P2RX7: variants seen among roughly 807,000 people sequenced by gnomAD.
P2RX7 encodes P2X purinoceptor 7.
A neutral mutation model predicts 71.6 loss-of-function variants in P2RX7; 62 were observed. The observed-to-expected ratio is 0.87, with a 90% CI of 0.71 to 1.07. The LOEUF (loss-of-function observed/expected upper bound fraction) is 1.07, where lower values mean the gene tolerates loss of function less well. P2RX7 is among the 50% of genes least tolerant of loss of function. The probability of loss-of-function intolerance (pLI) is 0.00; values close to 1 mark genes in which losing one functional copy is unlikely to be tolerated. For missense variants in P2RX7, 686 were observed against 748.5 expected, an observed-to-expected ratio of 0.92 and a Z score of 0.97; for synonymous variants, 299 against 283.3, an observed-to-expected ratio of 1.06 and a Z score of -0.56.
rs1281137621 is a variant in P2RX7 at position 121,187,429 on chromosome 12, T to G, written c.*2627T>G. Reference sequence around the variant, plus strand: ...AAAAAGTGGATTACTACATATGATTTCTTTGGAGCTTACATTTCTTTACTT... The same window carrying G: ...AAAAAGTGGATTACTACATATGATTGCTTTGGAGCTTACATTTCTTTACTT... On this transcript the variant is annotated 3_prime_UTR_variant, in exon 13 of 13. Coordinates refer to ENST00000328963, the MANE Select transcript of P2RX7 (RefSeq NM_002562.6). 4 of 152,256 alleles carry G rather than the reference T, an allele frequency of 2.6e-5. No individual in the cohort carries two copies. The highest frequency in any genetic ancestry group is 9.6e-5 in the African/African-American group (4 of 41,472). The allele number at this position is 152,256 out of a possible 1,614,324, so 9.4% of individuals were successfully genotyped here.
At chr12:121,155,223 G>A (rs1163738526) in intron 2 of P2RX7, 1 of 1,406,276 alleles carries the variant, frequency 7.1e-7, no homozygotes, top group Admixed American at 2.1e-5. Context: ...ACTCGCGCTT[G>A]ATTTACCCGC....
chr12:121,163,870 G>C (rs1320333891), intron 5 of P2RX7, among the ~76,000 whole-genome samples: 1 of 152,170 alleles, frequency 6.6e-6, no homozygotes, highest in Non-Finnish European at 1.5e-5. Flanking sequence ...AGCATCGTGG[G>C]GCAAAGAGAA....
At chr12:121,177,249 T>C (rs568658842) in intron 10 of P2RX7, 37 bp downstream of exon 10, 2 of 1,614,130 alleles carry the variant, frequency 1.2e-6, no homozygotes, top group Admixed American at 3.3e-5. Context: ...AGGAAAATGG[T>C]TTGGAGAAGG....
intron 12 of P2RX7, among the ~76,000 whole-genome samples, chr12:121,183,564 C>T (rs1884474688): frequency 9.2e-6 from 1 of 108,774 alleles, no homozygotes; most frequent in Admixed American, 1.2e-4. Context: ...GAGCAAGACT[C>T]CATCTCAAAA....
intron 3 of P2RX7, 57 bp from the exon 4 acceptor site, chr12:121,160,844 TC>T: frequency 7.6e-7 from 1 of 1,307,624 alleles, no homozygotes; most frequent in Non-Finnish European, 1.1e-6. Flanking sequence ...GAATCACTTC[TC>T]CACGTCTTAG....
intron 1 of P2RX7, among the ~76,000 whole-genome samples, chr12:121,147,378 T>A (rs1007008399): frequency 1.3e-5 from 2 of 152,170 alleles, no homozygotes; most frequent in African/African-American, 4.8e-5. Flanking sequence ...AGTTAATATA[T>A]GTTAGCAAAA....
chr12:121,149,214 C>A lies in P2RX7; in HGVS notation c.126-5571C>A. The A allele has an allele frequency of 2.9e-6, 1 of 345,028 alleles. No individual in the cohort carries two copies. The highest frequency in any genetic ancestry group is 2.3e-5 in the South Asian group (1 of 43,006). 21.4% of individuals were successfully genotyped at this position (345,028 alleles called of 1,614,324 possible). On this transcript the variant is annotated intron_variant, in intron 1 of 12. Coordinates refer to ENST00000328963, the MANE Select transcript of P2RX7 (RefSeq NM_002562.6). This position sits in a 1 kb window ranked among gnomAD's most constrained non-coding sequence, Gnocchi z 4.7. Reference sequence around the variant, plus strand: ...TCATCTCCATCTGGTGGGTCCAGAGCAAGCAGCCTCAGGGTCCCATGGGCC... The same window carrying A: ...TCATCTCCATCTGGTGGGTCCAGAGAAAGCAGCCTCAGGGTCCCATGGGCC...
chr12:121,139,533 T>A, intron 1 of P2RX7, among the ~76,000 whole-genome samples: 1 of 152,156 alleles, frequency 6.6e-6, no homozygotes, highest in East Asian at 1.9e-4. Context: ...GTGGAGATGG[T>A]GCTGCTGTGC....
chr12:121,136,023 A>AAATATATAT, intron 1 of P2RX7, among the ~76,000 whole-genome samples: 2 of 15,262 alleles, frequency 1.3e-4, no homozygotes, highest in African/African-American at 2.4e-4. Flanking sequence ...AAAAAAAAAA[A>AAATATATAT]ATATATATAT....
intron 1 of P2RX7, among the ~76,000 whole-genome samples, chr12:121,138,240 A>T (rs1319395378): frequency 2.0e-5 from 3 of 152,238 alleles, no homozygotes; most frequent in African/African-American, 7.2e-5. Flanking sequence ...ATCAGGACGG[A>T]TCCGTCTCCC....
chr12:121,187,986 G>A lies in P2RX7; in HGVS notation c.*3184G>A, dbSNP rs1885035773. The stretch of plus-strand genomic sequence containing the variant: ...CTGATTTTAGCCTGGCAATGTAAGT[G>A]TCCTTAATGTGACTGTTTTGATAAT... On this transcript the variant is annotated 3_prime_UTR_variant, in exon 13 of 13. Transcript: ENST00000328963. 6.6e-6 allele frequency: 1 copy of A among 152,052 alleles called. No individual in the cohort carries two copies. The allele number at this position is 152,052 out of a possible 1,614,324, so 9.4% of individuals were successfully genotyped here.
At chr12:121,145,170 C>G (rs1275239367) in intron 1 of P2RX7, among the ~76,000 whole-genome samples, 2 of 152,106 alleles carry the variant, frequency 1.3e-5, no homozygotes, top group Non-Finnish European at 2.9e-5. Context: ...GGAGTGCTAA[C>G]CTTTAAGGCG....
intron 1 of P2RX7, among the ~76,000 whole-genome samples, chr12:121,150,435 G>A (rs1435825921): frequency 6.6e-6 from 1 of 152,212 alleles, no homozygotes; most frequent in Non-Finnish European, 1.5e-5. Context: ...GCAACATCCA[G>A]CATGAGAAAG....
chr12:121,148,997 G>A, intron 1 of P2RX7: 1 of 511,058 alleles, frequency 2.0e-6, no homozygotes. Context: ...CTTTGCGCTG[G>A]AAGCCCAGGG....
chr12:121,156,401 C>T lies in P2RX7; in HGVS notation c.363+254C>T, dbSNP rs113752154. 6.8e-3 allele frequency among the ~76,000 whole-genome samples: 1,043 copies of T among 152,338 alleles called. 10 individuals carry two copies. The highest frequency in any genetic ancestry group is 0.018 in the African/African-American group (747 of 41,578). On this transcript the variant is annotated intron_variant, in intron 3 of 12. Coordinates refer to ENST00000328963, the MANE Select transcript of P2RX7 (RefSeq NM_002562.6). ...TTCTAGCACTAGGGACCCGTGCAGA[C>T]GGCAACCCTGCTCTTTCTATCTCTG... is the stretch of plus-strand genomic sequence containing the variant.
intron 12 of P2RX7, among the ~76,000 whole-genome samples, chr12:121,182,733 A>C (rs181064085): frequency 6.6e-6 from 1 of 152,250 alleles, no homozygotes; most frequent in Admixed American, 6.5e-5. Flanking sequence ...CGTGCACTAC[A>C]GTAGACTTCA....
Position 121,185,009 on chromosome 12 carries a change from C to T in P2RX7, c.*207C>T, listed in dbSNP as rs776641851. On this transcript the variant is annotated 3_prime_UTR_variant, in exon 13 of 13. Transcript: ENST00000328963. ...CTGAGGCACAAGAATCACTTGAACC[C>T]GGGAGGCAGAGGTTGTAGTGAGCCC... 9 of 517,834 alleles carry T rather than the reference C, an allele frequency of 1.7e-5. No homozygotes were observed. The highest frequency in any genetic ancestry group is 1.3e-4 in the Admixed American group (4 of 30,146). The allele number at this position is 517,834 out of a possible 1,614,324, so 32.1% of individuals were successfully genotyped here.
chr12:121,156,193 G>A (rs188168740), intron 3 of P2RX7, 46 bp downstream of exon 3: 23 of 1,507,800 alleles, frequency 1.5e-5, no homozygotes, highest in Non-Finnish European at 2.1e-5. Context: ...AAGAGTTCCT[G>A]GGGGAGGTGC....
chr12:121,171,007 T>C (rs1463800705), intron 8 of P2RX7, among the ~76,000 whole-genome samples: 1 of 152,124 alleles, frequency 6.6e-6, no homozygotes, highest in Non-Finnish European at 1.5e-5. Flanking sequence ...TGATTCCGCT[T>C]ATGCACGACC....
Sources: gnomAD v4.1 joint callset for allele counts (sites outside exome capture counted in the v4.1 genomes callset) on GRCh38, gnomAD v4.1.1 for gene constraint, Gnocchi (gnomAD v3.1) non-coding constraint, MANE v1.5 for transcripts, NCBI Gene and HGNC (gene_info 2026-07-23, HGNC 2026-07-21) for gene names.